TNFRSF11A: variants seen among roughly 807,000 people sequenced by gnomAD.
The protein encoded by TNFRSF11A is TNF receptor superfamily member 11a.
In TNFRSF11A, 32 loss-of-function variants were observed where a neutral mutation model predicts 55.7. The observed-to-expected ratio is 0.57, with a 90% confidence interval of 0.43 to 0.77. The LOEUF is 0.77. Ranked by LOEUF, TNFRSF11A falls within the 30% of genes least tolerant of loss-of-function variation. The pLI, the probability that TNFRSF11A is intolerant of heterozygous loss-of-function variation, is 0.00. For missense variants in TNFRSF11A, 753 were observed against 809.8 expected, an observed-to-expected ratio of 0.93 and a Z score of 0.85; for synonymous variants, 311 against 331.0, an observed-to-expected ratio of 0.94 and a Z score of 0.65.
chr18:62,333,507 C>A (rs1029951983), intron 1 of TNFRSF11A, among the ~76,000 whole-genome samples: 7 of 152,254 alleles, frequency 4.6e-5, no homozygotes, highest in Admixed American at 1.3e-4. Flanking sequence ...TGAACCCCTC[C>A]TGTGTGCCAG....
At chr18:62,356,135 T>G (rs958923514) in intron 4 of TNFRSF11A, among the ~76,000 whole-genome samples, 2 of 152,264 alleles carry the variant, frequency 1.3e-5, no homozygotes, top group South Asian at 4.1e-4. Context: ...AGCGTTTTTT[T>G]CCACGACTTA....
In TNFRSF11A at chr18:62,389,785, C is replaced by T. The variant is rs1389224273; in HGVS notation, c.*4751C>T. On this transcript the variant is annotated 3_prime_UTR_variant, in exon 10 of 10. Transcript: ENST00000586569. ...AAAGTTAAAATGACAAAATTACAGG[C>T]CTGTTACCAGATCTTCGTACTAACC... 1 of 152,188 alleles carries T rather than the reference C, an allele frequency of 6.6e-6. No homozygotes were observed. Among genetic ancestry groups the T allele is most frequent in the East Asian group, 1.9e-4 (1 of 5,198 alleles). 9.4% of individuals were successfully genotyped at this position (152,188 alleles called of 1,614,324 possible).
At chr18:62,366,880 G>A (rs1014269591) in intron 8 of TNFRSF11A, 120 bp downstream of exon 8, 16 of 1,046,656 alleles carry the variant, frequency 1.5e-5, no homozygotes, top group African/African-American at 1.1e-4. Flanking sequence ...ACGGAGTCTC[G>A]CTCTGTGCCT....
chr18:62,337,284 T>C (rs1312184127), intron 1 of TNFRSF11A, among the ~76,000 whole-genome samples: 3 of 152,198 alleles, frequency 2.0e-5, no homozygotes, highest in South Asian at 4.1e-4. Flanking sequence ...CAATTAATAA[T>C]ATATGTTTTA....
chr18:62,326,299 G>A (rs1439048033), intron 1 of TNFRSF11A, among the ~76,000 whole-genome samples: 1 of 152,234 alleles, frequency 6.6e-6, no homozygotes, highest in Non-Finnish European at 1.5e-5. Context: ...CCGGAGAGGC[G>A]TGGGGAGGGA....
intron 8 of TNFRSF11A, among the ~76,000 whole-genome samples, chr18:62,367,140 G>A (rs1457739211): frequency 3.3e-5 from 5 of 152,188 alleles, no homozygotes; most frequent in East Asian, 1.9e-4. Flanking sequence ...AGGAGCCACC[G>A]CGCCCGGCCT....
chr18:62,375,588 A>T (rs114254017), intron 9 of TNFRSF11A, among the ~76,000 whole-genome samples: 1 of 152,212 alleles, frequency 6.6e-6, no homozygotes, highest in African/African-American at 2.4e-5. Flanking sequence ...TATAGACGTT[A>T]GTCACTGGGT....
chr18:62,351,278 C>T (rs573222011), intron 3 of TNFRSF11A, among the ~76,000 whole-genome samples: 43 of 152,338 alleles, frequency 2.8e-4, no homozygotes, highest in Admixed American at 1.3e-3. Context: ...GCTGGGATTA[C>T]AGGCGTGAGC....
At chr18:62,357,090 G>A (rs947528552) in intron 4 of TNFRSF11A, among the ~76,000 whole-genome samples, 1 of 152,218 alleles carries the variant, frequency 6.6e-6, no homozygotes, top group Non-Finnish European at 1.5e-5. Context: ...ATTGCTAGGT[G>A]AAGGAGCGGG....
chr18:62,354,447 T>C lies in TNFRSF11A; in HGVS notation c.340T>C (p.Cys114Arg). Residue 114 changes from cysteine (C) to arginine (R), a missense_variant, in exon 4 of 10, where the codon TGC becomes CGC. Coordinates refer to ENST00000586569, the MANE Select transcript of TNFRSF11A (RefSeq NM_003839.4). ...GNSTTPRRCA[C>R]TAGYHWSQDC... ...CAGCACGACCCCCCGGCGCTGCGCG[T>C]GCACGGCTGGGTACCACTGGAGCCA... 6.2e-7 allele frequency: 1 copy of C among 1,600,026 alleles called. No individual in the cohort carries two copies. The highest frequency in any genetic ancestry group is 8.5e-7 in the Non-Finnish European group (1 of 1,178,746).
intron 1 of TNFRSF11A, among the ~76,000 whole-genome samples, chr18:62,345,681 C>T (rs530335188): frequency 1.4e-4 from 21 of 151,926 alleles, no homozygotes; most frequent in Non-Finnish European, 2.2e-4. Context: ...AACCACTGAA[C>T]GGTAGGTATA....
intron 1 of TNFRSF11A, among the ~76,000 whole-genome samples, chr18:62,343,163 A>G (rs1303189703): frequency 6.6e-6 from 1 of 152,244 alleles, no homozygotes; most frequent in Non-Finnish European, 1.5e-5. Flanking sequence ...TAAGATTCAG[A>G]AATTTGATAC....
In TNFRSF11A at chr18:62,371,843, G is replaced by A. The variant is rs149768459; in HGVS notation, c.1567+2359G>A. Reference sequence around the variant, plus strand: ...AATGCGTGAAAGAGGCTGGAGCTTCGGTGAGCAGTCCTACAGAGGCCTTAT... The same window carrying A: ...AATGCGTGAAAGAGGCTGGAGCTTCAGTGAGCAGTCCTACAGAGGCCTTAT... On this transcript the variant is annotated intron_variant, in intron 9 of 9. Coordinates refer to ENST00000586569, the MANE Select transcript of TNFRSF11A (RefSeq NM_003839.4). Among the ~76,000 whole-genome samples the A allele has an allele frequency of 1.2e-4, 19 of 152,284 alleles. No homozygotes were observed. In the South Asian group the frequency reaches 3.5e-3, roughly 28 times the overall value.
chr18:62,343,466 G>A (rs573755567), intron 1 of TNFRSF11A, among the ~76,000 whole-genome samples: 26 of 152,210 alleles, frequency 1.7e-4, no homozygotes, highest in Non-Finnish European at 3.2e-4. Context: ...AGATCTGCTC[G>A]TCTCTGTGGC....
At chr18:62,378,061 G>A (rs1012891224) in intron 9 of TNFRSF11A, 3 of 152,180 alleles carry the variant, frequency 2.0e-5, no homozygotes, top group Admixed American at 1.3e-4. Context: ...TGTTGAAAAG[G>A]AGACCCACAG....
At chr18:62,357,288 G>A (rs1476019943) in intron 4 of TNFRSF11A, among the ~76,000 whole-genome samples, 1 of 152,176 alleles carries the variant, frequency 6.6e-6, no homozygotes, top group Non-Finnish European at 1.5e-5. Context: ...TCACATAGTA[G>A]CCAATGTTCT....
intron 9 of TNFRSF11A, among the ~76,000 whole-genome samples, chr18:62,370,852 C>T (rs1910498892): frequency 6.7e-6 from 1 of 148,612 alleles, no homozygotes; most frequent in African/African-American, 2.5e-5. Context: ...TTTTTTGAGA[C>T]CAAGTCTCAC....
chr18:62,352,676 A>G (rs1423899084), intron 3 of TNFRSF11A, among the ~76,000 whole-genome samples: 1 of 152,220 alleles, frequency 6.6e-6, no homozygotes, highest in Non-Finnish European at 1.5e-5. Flanking sequence ...AATTTTCCAG[A>G]GAAGTGGCAT....
Position 62,384,780 on chromosome 18 carries a change from T to A in TNFRSF11A, c.1597T>A (p.Phe533Ile). Residue 533 changes from phenylalanine to isoleucine, a missense_variant, in exon 10 of 10, where the codon TTC becomes ATC. Phe to Ile is a conservative substitution (Grantham distance 21). Transcript: ENST00000586569. Reference sequence around the variant, plus strand: ...TGTGACTGGAAACAGTAACTCCACGTTCATCTCCAGCGGGCAGGTGATGAA... The same window carrying A: ...TGTGACTGGAAACAGTAACTCCACGATCATCTCCAGCGGGCAGGTGATGAA... ...GNVTGNSNST[F>I]ISSGQVMNFK... The A allele has an allele frequency of 6.2e-7, 1 of 1,612,572 alleles. No individual in the cohort carries two copies. The highest frequency in any genetic ancestry group is 8.5e-7 in the Non-Finnish European group (1 of 1,179,438).
Sources: gnomAD v4.1 joint callset for allele counts (sites outside exome capture counted in the v4.1 genomes callset) on GRCh38, gnomAD v4.1.1 for gene constraint, MANE v1.5 for transcripts, NCBI Gene and HGNC (gene_info 2026-07-23, HGNC 2026-07-21) for gene names.